The following SLC25A22 variants were observed in gnomAD, a reference collection of about 807,000 sequenced individuals.
SLC25A22 encodes the protein solute carrier family 25 member 22, also known as mitochondrial glutamate carrier 1.
A neutral mutation model predicts 33.7 loss-of-function variants in SLC25A22; 23 were observed. The observed-to-expected ratio is 0.68, with a 90% confidence interval of 0.49 to 0.97. SLC25A22 has a LOEUF of 0.97. Among genes scored for constraint, SLC25A22 ranks in the 50% least tolerant of loss-of-function variants. The pLI is 0.00. For missense variants in SLC25A22, 390 were observed against 451.1 expected (o/e 0.86, Z 1.23); for synonymous variants, 245 against 203.8 (o/e 1.20, Z -1.72).
At chr11:795,357 T>G in intron 1 of SLC25A22, 188 bp from the exon 2 acceptor site, 7 of 367,330 alleles carry the variant, frequency 1.9e-5, no homozygotes, top group African/African-American at 5.6e-5. Flanking sequence ...ACCACCTGGC[T>G]TCCTTTCAGT....
chr11:794,446 GCCAAAC>G lies in SLC25A22; in HGVS notation c.202+6_202+11del. On this transcript the variant is annotated splice_donor_region_variant and intron_variant, in intron 4 of 9. Coordinates refer to ENST00000628067, the MANE Select transcript of SLC25A22 (RefSeq NM_001191061.2). Reference sequence around the variant, plus strand: ...GCCTGCCCATATCGAGCCCAGCCGAGCCAAACCTCACCCCGGTACATGCCGAAGTAG... The same window carrying G: ...GCCTGCCCATATCGAGCCCAGCCGAGCTCACCCCGGTACATGCCGAAGTAG... 6.2e-7 allele frequency: 1 copy of G among 1,612,334 alleles called. No homozygotes were observed. The highest frequency in any genetic ancestry group is 8.5e-7 in the Non-Finnish European group (1 of 1,179,650).
chr11:790,922 C>G lies in SLC25A22; in HGVS notation c.*993G>C, dbSNP rs1864484812. On this transcript the variant is annotated 3_prime_UTR_variant, in exon 10 of 10. Coordinates refer to ENST00000628067, the MANE Select transcript of SLC25A22 (RefSeq NM_001191061.2). ...CAGAGGCTGAAAAAGGAGGGTGGGC[C>G]CTGAGAGGACTTGGGGGTGTGGCAG... 1 of 152,304 alleles carries G rather than the reference C, an allele frequency of 6.6e-6. No individual in the cohort carries two copies. The highest frequency in any genetic ancestry group is 2.4e-5 in the African/African-American group (1 of 41,414). The allele number at this position is 152,304 out of a possible 1,614,324, so 9.4% of individuals were successfully genotyped here.
intron 1 of SLC25A22, chr11:797,587 C>A (rs1462638744): frequency 2.5e-6 from 1 of 398,468 alleles, no homozygotes; most frequent in African/African-American, 2.1e-5. Context: ...ATCCTCCACC[C>A]AAGAAGCCGC....
At position 791,955 on chromosome 11, in the gene SLC25A22, G is replaced by A. The variant is rs760123308; in HGVS notation, c.932C>T (p.Ala311Val). ...CTGCAGCAGCCCCAGCAGGGACTCC[G>A]CGATGCCCAGGAAGTAGACCACCTG... ...IAQVVYFLGI[A>V]ESLLGLLQDP... The change falls in exon 10 of 10, where the codon GCG becomes GTG. Residue 311 changes from alanine (A) to valine (V), a missense_variant. Transcript: ENST00000628067. 3.7e-5 allele frequency: 60 copies of A among 1,605,572 alleles called. No homozygotes were observed. The highest frequency in any genetic ancestry group is 4.5e-5 in the East Asian group (2 of 44,860).
At chr11:796,278 C>CAATCCCT (rs1256849847) in intron 1 of SLC25A22, 3 of 136,484 alleles carry the variant, frequency 2.2e-5, no homozygotes. Flanking sequence ...GGCGAGGGGC[C>CAATCCCT]GCAGGGATTG....
At chr11:797,610 AC>A (rs1864903221) in intron 1 of SLC25A22, 2 of 398,376 alleles carry the variant, frequency 5.0e-6, no homozygotes, top group East Asian at 7.1e-5. Flanking sequence ...GGCTCCTCCT[AC>A]CCCCAAGAAA....
Position 793,362 on chromosome 11 carries a change from T to A in SLC25A22, c.293+167A>T, listed in dbSNP as rs892564760. 30 of 688,080 alleles carry A rather than the reference T, an allele frequency of 4.4e-5. 1 individual carries two copies. The Admixed American group carries it at 6.8e-4, about 16-fold the overall frequency. The allele number at this position is 688,080 out of a possible 1,614,324, so 42.6% of individuals were successfully genotyped here. Reference sequence around the variant, plus strand: ...CCCACTGATTTGACATCTGCTTTGCTCCCCTGGTCAGGGGAAAGGAGGGAG... The same window carrying A: ...CCCACTGATTTGACATCTGCTTTGCACCCCTGGTCAGGGGAAAGGAGGGAG... On this transcript the variant is annotated intron_variant, in intron 5 of 9. Transcript: ENST00000628067.
Position 794,791 on chromosome 11 carries a change from C to T in SLC25A22, c.131G>A (p.Arg44His), listed in dbSNP as rs774588138. 20 of 1,598,050 alleles carry T rather than the reference C, an allele frequency of 1.3e-5. No individual in the cohort carries two copies. Among genetic ancestry groups the T allele is most frequent in the African/African-American group, 4.0e-5 (3 of 74,834 alleles). ...GCACACTCACATGCTCGTGTACACG[C>T]GCTGGCCGTTCTGCTGGTTCTGCAG... The part of the protein sequence containing the change: ...TRLQNQQNGQ[R>H]VYTSMSDCLI... Residue 44 changes from arginine (R) to histidine (H), a missense_variant, in exon 3 of 10, where the codon CGC (arginine) becomes CAC (histidine). By Grantham distance (29) the Arg-to-His change is conservative (BLOSUM62 0). Coordinates refer to ENST00000628067, the MANE Select transcript of SLC25A22 (RefSeq NM_001191061.2).
In SLC25A22 at chr11:792,167, A is replaced by G; in HGVS notation, c.793T>C (p.Tyr265His). ...CTGGCACAGTCCAGGATCCCAGAGT[A>G]GGTGTCCTCGTTGACGCCTCGCTGA... Reference protein sequence around the residue: ...SLQRGVNEDTYSGILDCARKI... With the variant: ...SLQRGVNEDTHSGILDCARKI... Residue 265 changes from tyrosine to histidine, a missense_variant, in exon 9 of 10, where the codon TAC (tyrosine) becomes CAC (histidine). Tyr to His is a moderately conservative substitution (Grantham distance 83). Coordinates refer to ENST00000628067, the MANE Select transcript of SLC25A22 (RefSeq NM_001191061.2). The G allele has an allele frequency of 1.9e-6, 3 of 1,612,830 alleles. No individual in the cohort carries two copies. The highest frequency in any genetic ancestry group is 2.5e-6 in the Non-Finnish European group (3 of 1,179,830).
chr11:792,770 G>A, intron 6 of SLC25A22, 43 bp from the exon 7 acceptor site: 1 of 1,546,952 alleles, frequency 6.5e-7, no homozygotes, highest in Non-Finnish European at 8.7e-7. Context: ...GTGCGAACTG[G>A]GCAGGGGACA....
In SLC25A22 at chr11:792,570, G is replaced by A. The variant is rs145322467; in HGVS notation, c.570C>T (p.Leu190=). Residue 190 remains leucine, a synonymous_variant, in exon 7 of 10, where the codon CTC becomes CTT. Transcript: ENST00000628067. ...CCTCCTACCTGAGCAGCGTGGCCCC[G>A]AGTCCCTTGTAGAGACCGGCAATGC... ...SRGIAGLYKG[L]GATLLRDVPF... 4,320 of 1,611,990 alleles carry A rather than the reference G, an allele frequency of 2.7e-3. 10 individuals carry two copies. Among genetic ancestry groups the A allele is most frequent in the Admixed American group, 4.6e-3 (275 of 59,922 alleles).
Position 794,770 on chromosome 11 carries a change from A to G in SLC25A22, c.146+6T>C, listed in dbSNP as rs369906148. 1.1e-5 allele frequency: 17 copies of G among 1,598,958 alleles called. No individual in the cohort carries two copies. In the African/African-American group the frequency reaches 2.1e-4, roughly 20 times the overall value. Reference sequence around the variant, plus strand: ...CCCACTCCCCGCGACCGCCCGGCACACTCACATGCTCGTGTACACGCGCTG... The same window carrying G: ...CCCACTCCCCGCGACCGCCCGGCACGCTCACATGCTCGTGTACACGCGCTG... On this transcript the variant is annotated splice_donor_region_variant and intron_variant, in intron 3 of 9. Transcript: ENST00000628067.
Position 793,634 on chromosome 11 carries a change from G to T in SLC25A22, c.203-15C>A, listed in dbSNP as rs371498993. The T allele has an allele frequency of 1.9e-6, 3 of 1,586,602 alleles. No individual in the cohort carries two copies. Among genetic ancestry groups the T allele is most frequent in the African/African-American group, 1.3e-5 (1 of 74,562 alleles). On this transcript the variant is annotated splice_polypyrimidine_tract_variant and intron_variant, in intron 4 of 9. Coordinates refer to ENST00000628067, the MANE Select transcript of SLC25A22 (RefSeq NM_001191061.2). ...CACAGCAGCTCCTGTGGGGCAGGGG[G>T]TCAGCTGGGGGGACATGCTCGGTGG...
Position 791,663 on chromosome 11 carries a change from A to G in SLC25A22, c.*252T>C. The G allele has an allele frequency of 3.6e-6, 2 of 561,318 alleles. No individual in the cohort carries two copies. The highest frequency in any genetic ancestry group is 6.3e-6 in the Non-Finnish European group (2 of 317,640). 34.8% of individuals were successfully genotyped at this position (561,318 alleles called of 1,614,324 possible). On this transcript the variant is annotated 3_prime_UTR_variant, in exon 10 of 10. Coordinates refer to ENST00000628067, the MANE Select transcript of SLC25A22 (RefSeq NM_001191061.2). ...GTTCAGGCCAGGGCAGGATTGGGGCAGGGGCTAGCTTGAGGAATGTAAAGA... is the reference window on the plus strand; with the variant it reads ...GTTCAGGCCAGGGCAGGATTGGGGCGGGGGCTAGCTTGAGGAATGTAAAGA...
rs1254115400 is a variant in SLC25A22, at chr11:791,232, T to C, written c.*683A>G. 1.2e-5 allele frequency: 2 copies of C among 162,018 alleles called. No individual in the cohort carries two copies. Among genetic ancestry groups the C allele is most frequent in the Non-Finnish European group, 2.7e-5 (2 of 74,624 alleles). 10.0% of individuals were successfully genotyped at this position (162,018 alleles called of 1,614,324 possible). ...ATGCACACACACATACACACACACATGCACACAGACCTCACAATCTGGGCC... is the reference window on the plus strand; with the variant it reads ...ATGCACACACACATACACACACACACGCACACAGACCTCACAATCTGGGCC... On this transcript the variant is annotated 3_prime_UTR_variant, in exon 10 of 10. Coordinates refer to ENST00000628067, the MANE Select transcript of SLC25A22 (RefSeq NM_001191061.2).
At chr11:793,160 C>A (rs1231127944) in intron 5 of SLC25A22, among the ~76,000 whole-genome samples, 172 bp from the exon 6 acceptor site, 1 of 152,164 alleles carries the variant, frequency 6.6e-6, no homozygotes, top group African/African-American at 2.4e-5. Context: ...AGGGAGGAGA[C>A]CGATGGACAG....
rs58086989 is a variant in SLC25A22, at chr11:793,277, C to T, written c.293+252G>A. 8.1e-4 allele frequency among the ~76,000 whole-genome samples: 124 copies of T among 152,306 alleles called. 2 individuals carry two copies. In the East Asian group the frequency reaches 0.02, roughly 25 times the overall value. ...CCAAAAAGGGGCTGCCCTTGCAGTC[C>T]CCCTCCAGTGATGGGGGAGCTGGTC... On this transcript the variant is annotated intron_variant, in intron 5 of 9. Coordinates refer to ENST00000628067, the MANE Select transcript of SLC25A22 (RefSeq NM_001191061.2).
Position 792,925 on chromosome 11 carries a change from G to A in SLC25A22, c.357C>T (p.Ile119=), listed in dbSNP as rs748285057. 12 of 1,612,826 alleles carry A rather than the reference G, an allele frequency of 7.4e-6. No homozygotes were observed. The highest frequency in any genetic ancestry group is 5.0e-5 in the Admixed American group (3 of 59,956). The change falls in exon 6 of 10, where the codon ATC becomes ATT. Residue 119 remains isoleucine, a synonymous_variant. Coordinates refer to ENST00000628067, the MANE Select transcript of SLC25A22 (RefSeq NM_001191061.2). Reference sequence around the variant, plus strand: ...TCAGCATCTCCATGGGCGTGGTCACGATCACCTGGCAGGTGCCAGCCCCAC... The same window carrying A: ...TCAGCATCTCCATGGGCGTGGTCACAATCACCTGGCAGGTGCCAGCCCCAC... ...AGCGAGTCQV[I]VTTPMEMLKI...
At chr11:794,075 T>C (rs1025782639) in intron 4 of SLC25A22, 56 of 515,034 alleles carry the variant, frequency 1.1e-4, no homozygotes, top group Non-Finnish European at 1.2e-4. Flanking sequence ...GGAGAGCTTC[T>C]GCCAAATCTA....
Sources: gnomAD v4.1 joint callset for allele counts (sites outside exome capture counted in the v4.1 genomes callset) on GRCh38, gnomAD v4.1.1 for gene constraint, MANE v1.5 for transcripts, NCBI Gene and HGNC (gene_info 2026-07-23, HGNC 2026-07-21) for gene names.